The following PACRG variants were observed in gnomAD, a reference collection of about 807,000 sequenced individuals.
PACRG encodes the protein parkin coregulated, also known as parkin coregulated gene protein.
Under a neutral mutation model 29.7 loss-of-function variants are expected in PACRG, and 29 were observed. That is an observed-to-expected ratio of 0.98 (90% CI 0.73 to 1.33). The LOEUF (loss-of-function observed/expected upper bound fraction) is 1.33. Among genes scored for constraint, PACRG ranks in the 40% most tolerant of loss-of-function variants. PACRG has a pLI of 0.00. For synonymous variants in PACRG, 116 were observed against 118.7 expected (o/e 0.98, Z 0.15); for missense variants, 279 against 316.2 (o/e 0.88, Z 0.89).
At chr6:162,986,413 T>C (rs988719277) in intron 2 of PACRG, among the ~76,000 whole-genome samples, 2 of 152,268 alleles carry the variant, frequency 1.3e-5, no homozygotes, top group Middle Eastern at 6.8e-3. Flanking sequence ...GCCAAATACT[T>C]ACAGCCTACT....
chr6:163,011,322 T>A (rs1332380361), intron 2 of PACRG, among the ~76,000 whole-genome samples: 2 of 152,212 alleles, frequency 1.3e-5, no homozygotes, highest in Non-Finnish European at 2.9e-5. Context: ...GTGTAGCCGA[T>A]TGCCCCCAGG....
At chr6:162,827,557 T>C (rs6917499) in intron 2 of PACRG, among the ~76,000 whole-genome samples, 36,973 of 152,122 alleles carry the variant, frequency 0.24, 5,957 homozygotes, top group African/African-American at 0.44. Flanking sequence ...CTATGGAATA[T>C]ACTAGTATTG....
chr6:162,990,778 A>G (rs1344411280), intron 2 of PACRG, among the ~76,000 whole-genome samples: 1 of 139,634 alleles, frequency 7.2e-6, no homozygotes, highest in Non-Finnish European at 1.5e-5. Context: ...TTTCCTTGCC[A>G]TTGCTTTTGG....
At chr6:163,045,755 T>C (rs1809284893) in intron 2 of PACRG, among the ~76,000 whole-genome samples, 1 of 151,622 alleles carries the variant, frequency 6.6e-6, no homozygotes, top group African/African-American at 2.4e-5. Flanking sequence ...CCCGAGTAGC[T>C]GGGACTACAG....
At chr6:162,780,493 A>C (rs982023814) in intron 1 of PACRG, among the ~76,000 whole-genome samples, 2 of 152,198 alleles carry the variant, frequency 1.3e-5, no homozygotes, top group Non-Finnish European at 2.9e-5. Flanking sequence ...GTAAAAAGTA[A>C]TATCCAAAAT....
chr6:162,733,125 G>A (rs1779901315), intron 1 of PACRG, among the ~76,000 whole-genome samples: 1 of 152,176 alleles, frequency 6.6e-6, no homozygotes, highest in South Asian at 2.1e-4. Flanking sequence ...TTAAATGCTA[G>A]GAATTTAGCA....
intron 4 of PACRG, among the ~76,000 whole-genome samples, chr6:163,274,227 G>A (rs540988165): frequency 6.6e-6 from 1 of 152,246 alleles, no homozygotes; most frequent in East Asian, 1.9e-4. Context: ...TCTCTGCCCT[G>A]TGTCCAAATG....
At chr6:162,890,594 C>T (rs1794681487) in intron 2 of PACRG, among the ~76,000 whole-genome samples, 1 of 152,200 alleles carries the variant, frequency 6.6e-6, no homozygotes, top group Admixed American at 6.5e-5. Context: ...AGCTTCCCCT[C>T]CTCAGGGTCA....
At chr6:163,078,574 T>C (rs1385208433) in intron 3 of PACRG, among the ~76,000 whole-genome samples, 1 of 152,146 alleles carries the variant, frequency 6.6e-6, no homozygotes. Flanking sequence ...AATGAGCTAA[T>C]ATGTAAGGTT....
At chr6:163,196,888 G>C (rs6923530) in intron 4 of PACRG, among the ~76,000 whole-genome samples, 1 of 151,526 alleles carries the variant, frequency 6.6e-6, no homozygotes, top group Non-Finnish European at 1.5e-5. Flanking sequence ...TAGATAGATG[G>C]ATAGACATGT....
intron 4 of PACRG, among the ~76,000 whole-genome samples, chr6:163,299,757 T>TA (rs1241573650): frequency 1.3e-5 from 2 of 152,142 alleles, no homozygotes; most frequent in African/African-American, 4.8e-5. Flanking sequence ...CGCGTGCCTG[T>TA]AGTCCCAGCT....
intron 4 of PACRG, among the ~76,000 whole-genome samples, chr6:163,149,260 T>A (rs10945873): frequency 0.34 from 51,769 of 151,820 alleles, 9,056 homozygotes; most frequent in South Asian, 0.48. Context: ...CCGCGGGCGC[T>A]GGCCGCTTCC....
chr6:163,014,637 C>T (rs1211292296), intron 2 of PACRG, among the ~76,000 whole-genome samples: 1 of 151,882 alleles, frequency 6.6e-6, no homozygotes, highest in African/African-American at 2.4e-5. Context: ...GGTTTGTTGG[C>T]TGCTTGTGTA....
chr6:163,235,190 A>T (rs1782188091), intron 4 of PACRG, among the ~76,000 whole-genome samples: 1 of 152,188 alleles, frequency 6.6e-6, no homozygotes, highest in Non-Finnish European at 1.5e-5. Flanking sequence ...TGACTCGAGC[A>T]GTTCAGACGC....
chr6:163,121,181 T>A (rs541394917), intron 4 of PACRG, among the ~76,000 whole-genome samples: 52 of 152,286 alleles, frequency 3.4e-4, no homozygotes, highest in African/African-American at 1.3e-3. Flanking sequence ...AATTTATTCA[T>A]CAAAAAATAG....
intron 4 of PACRG, among the ~76,000 whole-genome samples, chr6:163,298,167 A>G (rs6907311): frequency 0.015 from 2,309 of 152,192 alleles, 49 homozygotes; most frequent in African/African-American, 0.052. Flanking sequence ...CTAGCTTCCC[A>G]GGGTGATAAG....
chr6:163,009,366 A>G (rs943778031), intron 2 of PACRG, among the ~76,000 whole-genome samples: 1 of 152,216 alleles, frequency 6.6e-6, no homozygotes, highest in Admixed American at 6.5e-5. Context: ...AAATAAAAAT[A>G]TGCCATATTA....
intron 4 of PACRG, among the ~76,000 whole-genome samples, chr6:163,222,093 A>G (rs867093125): frequency 6.8e-6 from 1 of 146,158 alleles, no homozygotes; most frequent in Non-Finnish European, 1.5e-5. Flanking sequence ...TGACCAAATG[A>G]CAAAAAACTG....
At chr6:163,249,862 C>T (rs142458805) in intron 4 of PACRG, among the ~76,000 whole-genome samples, 1 of 152,150 alleles carries the variant, frequency 6.6e-6, no homozygotes, top group African/African-American at 2.4e-5. Context: ...TATGCCAAAC[C>T]AACATGGATG....
Sources: allele counts gnomAD v4.1 joint callset (sites outside exome capture counted in the v4.1 genomes callset), GRCh38; gene constraint gnomAD v4.1.1; transcripts MANE v1.5; gene names NCBI Gene and HGNC (gene_info 2026-07-23, HGNC 2026-07-21).